The following PATJ variants were observed in gnomAD, a reference collection of about 807,000 sequenced individuals.
PATJ encodes the protein inaD-like protein.
Under a neutral mutation model 224.9 loss-of-function variants are expected in PATJ, and 190 were observed. That is an observed-to-expected ratio of 0.84 (90% CI 0.75 to 0.95). The LOEUF is 0.95. Among genes scored for constraint, PATJ ranks in the 40% least tolerant of loss-of-function variants. The pLI is 0.00. For synonymous variants in PATJ, 769 were observed against 820.3 expected, an observed-to-expected ratio of 0.94 and a Z score of 1.07; for missense variants, 2,121 against 2,270.3, an observed-to-expected ratio of 0.93 and a Z score of 1.34.
chr1:62,084,373 C>T, intron 32 of PATJ, 142 bp from the exon 33 acceptor site: 1 of 777,326 alleles, frequency 1.3e-6, no homozygotes. Context: ...CAGGAATGAC[C>T]CAGCTTTTTG....
Position 61,797,345 on chromosome 1 carries a change from A to G in PATJ, c.1319A>G (p.Asn440Ser). 6.2e-7 allele frequency: 1 copy of G among 1,614,060 alleles called. No homozygotes were observed. Among genetic ancestry groups the G allele is most frequent in the Non-Finnish European group, 8.5e-7 (1 of 1,179,916 alleles). Residue 440 changes from asparagine (N) to serine (S), a missense_variant, in exon 11 of 44, where the codon AAT becomes AGT. Asn to Ser is a conservative substitution (Grantham distance 46, BLOSUM62 1). Transcript: ENST00000642238. ...CATGATGTTGTTGAAGTATTACGAA[A>G]TGCAGGGCAGGTGGTACACCTAACC... is the stretch of plus-strand genomic sequence containing the variant. The part of the protein sequence containing the change: ...ANHDVVEVLR[N>S]AGQVVHLTLV...
intron 20 of PATJ, 120 bp downstream of exon 20, chr1:61,864,753 C>A: frequency 1.2e-6 from 1 of 831,112 alleles, no homozygotes; most frequent in Non-Finnish European, 1.8e-6. Context: ...TAAGTCGTCA[C>A]TGTTTACAAG....
chr1:62,057,962 C>G (rs2148624895), intron 31 of PATJ, among the ~76,000 whole-genome samples: 1 of 152,268 alleles, frequency 6.6e-6, no homozygotes, highest in African/African-American at 2.4e-5. Flanking sequence ...TCATTACAGA[C>G]CTGGTTTGTA....
At chr1:62,075,517 A>G (rs1050517669) in intron 31 of PATJ, among the ~76,000 whole-genome samples, 2 of 152,346 alleles carry the variant, frequency 1.3e-5, no homozygotes, top group African/African-American at 4.8e-5. Flanking sequence ...CTGTGGTCAC[A>G]CAGCTAATTA....
chr1:61,787,684 T>C (rs1164458630), intron 7 of PATJ, 70 bp from the exon 8 acceptor site: 6 of 1,196,618 alleles, frequency 5.0e-6, no homozygotes, highest in Non-Finnish European at 7.3e-6. Flanking sequence ...GCTGAAAGTC[T>C]GATGAATTGT....
At chr1:62,080,287 G>T (rs1020682270) in intron 32 of PATJ, among the ~76,000 whole-genome samples, 1 of 151,930 alleles carries the variant, frequency 6.6e-6, no homozygotes, top group Non-Finnish European at 1.5e-5. Flanking sequence ...CTGACTGGGG[G>T]TTGAAAATAG....
At chr1:61,748,246 CTTTTTTTTTTTTT>C (rs35918825) in intron 1 of PATJ, among the ~76,000 whole-genome samples, 1 of 65,108 alleles carries the variant, frequency 1.5e-5, no homozygotes, top group Non-Finnish European at 2.7e-5. Context: ...GCCTTAATGC[CTTTTTTTTTTTTT>C]TTTTTTTTTT....
chr1:61,974,333 GATCA>G (rs1274316943), intron 27 of PATJ, among the ~76,000 whole-genome samples: 1 of 147,128 alleles, frequency 6.8e-6, no homozygotes, highest in Non-Finnish European at 1.5e-5. Flanking sequence ...ATTGTAAATT[GATCA>G]TTTGTCAACT....
chr1:62,130,808 A>G (rs150323664), intron 41 of PATJ, among the ~76,000 whole-genome samples: 1,791 of 152,162 alleles, frequency 0.012, 34 homozygotes, highest in African/African-American at 0.041. Context: ...ACGAGATGGC[A>G]CCACTGCACT....
chr1:61,900,940 A>G (rs1022115175), intron 23 of PATJ, among the ~76,000 whole-genome samples: 1 of 152,162 alleles, frequency 6.6e-6, no homozygotes, highest in African/African-American at 2.4e-5. Context: ...TCTTCAGTCC[A>G]TTCTTTGCTA....
At position 62,079,326 on chromosome 1, in the gene PATJ, C is replaced by G. The variant is rs1015635168; in HGVS notation, c.4126-124C>G. 1.1e-5 allele frequency: 7 copies of G among 637,328 alleles called. No homozygotes were observed. In the South Asian group the frequency reaches 1.4e-4, roughly 13 times the overall value. 39.5% of individuals were successfully genotyped at this position (637,328 alleles called of 1,614,324 possible). On this transcript the variant is annotated intron_variant, in intron 31 of 43. Coordinates refer to ENST00000642238, the MANE Select transcript of PATJ (RefSeq NM_001350145.3). ...TCCTAACTTCTTGCCACCCTCCAAC[C>G]TTATATTCTCAAAAGACATCATTGG...
At chr1:61,837,747 G>A (rs978833575) in intron 17 of PATJ, among the ~76,000 whole-genome samples, 13 of 144,472 alleles carry the variant, frequency 9.0e-5, no homozygotes, top group Admixed American at 2.9e-4. Context: ...CTGAGATTGC[G>A]CCACTGCACT....
At chr1:61,840,384 A>G (rs1384061312) in intron 17 of PATJ, among the ~76,000 whole-genome samples, 1 of 151,982 alleles carries the variant, frequency 6.6e-6, no homozygotes, top group Non-Finnish European at 1.5e-5. Flanking sequence ...AAGTAAATCT[A>G]CCTCTGACCA....
rs550301607 is a variant in PATJ at position 61,821,009 on chromosome 1, A to AAAGC, written c.1684-1934_1684-1931dup. The stretch of plus-strand genomic sequence containing the variant: ...GAAGTGGCAGCAGTGAGGAAGAAAG[A>AAAGC]AAGCACAAGAGAGGGAACGGGAGGA... On this transcript the variant is annotated intron_variant, in intron 14 of 43. Coordinates refer to ENST00000642238, the MANE Select transcript of PATJ (RefSeq NM_001350145.3). 1.5e-3 allele frequency among the ~76,000 whole-genome samples: 236 copies of AAAGC among 152,282 alleles called. 1 individual carries two copies. The highest frequency in any genetic ancestry group is 5.6e-3 in the African/African-American group (234 of 41,574).
chr1:61,973,402 A>G (rs1683235307), intron 27 of PATJ, among the ~76,000 whole-genome samples: 1 of 152,076 alleles, frequency 6.6e-6, no homozygotes, highest in South Asian at 2.1e-4. Context: ...GCAGGTATGC[A>G]GAGAGAAGTT....
At chr1:61,779,205 A>C (rs1165587840) in intron 7 of PATJ, among the ~76,000 whole-genome samples, 1 of 152,248 alleles carries the variant, frequency 6.6e-6, no homozygotes, top group Non-Finnish European at 1.5e-5. Flanking sequence ...TACTTTAAAA[A>C]AGATATTATT....
At chr1:61,943,618 C>T (rs1678179583) in intron 27 of PATJ, among the ~76,000 whole-genome samples, 1 of 152,168 alleles carries the variant, frequency 6.6e-6, no homozygotes, top group Non-Finnish European at 1.5e-5. Context: ...CACCGCAGCT[C>T]AAGGAGGCCT....
chr1:61,939,317 T>TCACACACACACA lies in PATJ; in HGVS notation c.3670+11505_3670+11516dup, dbSNP rs60430174. 8.6e-3 allele frequency among the ~76,000 whole-genome samples: 1,224 copies of TCACACACACACA among 142,548 alleles called. 19 individuals are homozygous for TCACACACACACA. The highest frequency in any genetic ancestry group is 0.03 in the African/African-American group (1,126 of 37,786). 93.5% of individuals were successfully genotyped at this position (142,548 alleles called of 152,430 possible). ...TACATAAAAATTAAAAACTTTGCAT[T>TCACACACACACA]CACACACACACACACACACACACAC... On this transcript the variant is annotated intron_variant, in intron 27 of 43. Transcript: ENST00000642238.
chr1:62,033,060 G>T (rs1649638524), intron 29 of PATJ, among the ~76,000 whole-genome samples: 1 of 152,100 alleles, frequency 6.6e-6, no homozygotes, highest in Non-Finnish European at 1.5e-5. Flanking sequence ...GGATTATGGG[G>T]ACTACGATTC....
Sources: allele counts gnomAD v4.1 joint callset (sites outside exome capture counted in the v4.1 genomes callset), GRCh38; gene constraint gnomAD v4.1.1; transcripts MANE v1.5; gene names NCBI Gene and HGNC (gene_info 2026-07-23, HGNC 2026-07-21).